VPS13D: variants seen among roughly 807,000 people sequenced by gnomAD.
VPS13D encodes the protein intermembrane lipid transfer protein VPS13D.
VPS13D carries 187 observed loss-of-function variants against 461.9 expected under a neutral mutation model. That is an observed-to-expected ratio of 0.40 (90% CI 0.36 to 0.46). The LOEUF is 0.46. VPS13D is among the 20% of genes least tolerant of loss of function. VPS13D has a pLI of 0.60. For synonymous variants in VPS13D, 1,951 were observed against 1,986.3 expected, an observed-to-expected ratio of 0.98 and a Z score of 0.47; for missense variants, 4,711 against 5,364.9, an observed-to-expected ratio of 0.88 and a Z score of 3.81.
chr1:12,244,693 T>A, intron 5 of VPS13D, 76 bp downstream of exon 5: 1 of 1,382,890 alleles, frequency 7.2e-7, no homozygotes, highest in Non-Finnish European at 1.0e-6. Flanking sequence ...CTCCTCTTAG[T>A]TTCTCATTTC....
At chr1:12,470,831 AG>A (rs1168787986) in intron 67 of VPS13D, among the ~76,000 whole-genome samples, 1 of 152,136 alleles carries the variant, frequency 6.6e-6, no homozygotes, top group African/African-American at 2.4e-5. Flanking sequence ...GTATGTGTTG[AG>A]GGGGGTAATT....
chr1:12,352,590 G>A (rs117981855), intron 46 of VPS13D, among the ~76,000 whole-genome samples: 2,880 of 152,272 alleles, frequency 0.019, 110 homozygotes, highest in Admixed American at 0.099. Flanking sequence ...AAGATGTGGA[G>A]CCACTAAACT....
intron 6 of VPS13D, among the ~76,000 whole-genome samples, chr1:12,250,211 T>A (rs235232): frequency 0.042 from 6,337 of 152,288 alleles, 261 homozygotes; most frequent in African/African-American, 0.11. Flanking sequence ...GTTCAAAGTT[T>A]TTATGCAGCT....
rs4394667 is a variant in VPS13D at position 12,314,005 on chromosome 1, A to G, written c.6936-110A>G. On this transcript the variant is annotated intron_variant, in intron 29 of 69. Coordinates refer to ENST00000620676, the MANE Select transcript of VPS13D (RefSeq NM_015378.4). Reference sequence around the variant, plus strand: ...ACTCAGAATGAAAGTTATTCTCCTTATGGGACTTAGATATATTTTTGATTT... The same window carrying G: ...ACTCAGAATGAAAGTTATTCTCCTTGTGGGACTTAGATATATTTTTGATTT... The G allele has an allele frequency of 3.5e-6, 3 of 863,758 alleles. No individual in the cohort carries two copies. In the South Asian group the frequency reaches 5.0e-5, roughly 14 times the overall value. The allele number at this position is 863,758 out of a possible 1,614,324, so 53.5% of individuals were successfully genotyped here. A position where few individuals can be genotyped will look rare whatever the true frequency, so the allele number is the denominator to read the frequency against.
At chr1:12,371,990 A>G (rs1388245088) in intron 54 of VPS13D, among the ~76,000 whole-genome samples, 1 of 152,186 alleles carries the variant, frequency 6.6e-6, no homozygotes, top group Admixed American at 6.5e-5. Flanking sequence ...CATTCCTACC[A>G]ACAGTGTAGA....
At chr1:12,337,106 G>C (rs912581414) in intron 39 of VPS13D, 3 of 151,634 alleles carry the variant, frequency 2.0e-5, no homozygotes, top group African/African-American at 7.3e-5. Context: ...TAGTTAAAAG[G>C]CTTCCTCATC....
rs145727506 is a variant in VPS13D at position 12,349,296 on chromosome 1, A to C, written c.9353A>C (p.Asn3118Thr). The C allele has an allele frequency of 5.6e-6, 9 of 1,614,214 alleles. No individual in the cohort carries two copies. The highest frequency in any genetic ancestry group is 6.8e-6 in the Non-Finnish European group (8 of 1,180,034). The change falls in exon 46 of 70, where the codon AAT becomes ACT. Residue 3118 changes from asparagine to threonine, a missense_variant. Physicochemically the swap from Asn to Thr is moderately conservative, Grantham distance 65 (BLOSUM62 0). This residue lies in a region of VPS13D where 4,411 missense variants were observed against 4,937.8 expected (regional missense o/e 0.89). Transcript: ENST00000620676. ...TGTAAGGCTCCCATTCATTGGACCA[A>C]TGTAGTGAAGACTGCAGAAATTAGT... ...FFCKAPIHWTNVVKTAEISSS... is the reference protein window; with the variant it reads ...FFCKAPIHWTTVVKTAEISSS...
chr1:12,362,897 GA>G, intron 51 of VPS13D, 47 bp downstream of exon 51: 1 of 1,611,320 alleles, frequency 6.2e-7, no homozygotes, highest in Non-Finnish European at 8.5e-7. Context: ...TTAATAGCAC[GA>G]GTTTTAATGT....
In VPS13D at chr1:12,379,524, G is replaced by A; in HGVS notation, c.11118G>A (p.Arg3706=). 2.5e-6 allele frequency: 4 copies of A among 1,613,478 alleles called. No homozygotes were observed. The highest frequency in any genetic ancestry group is 3.4e-6 in the Non-Finnish European group (4 of 1,179,768). ...EPLMLRKPDR[R]RSTTQTWSFR... ...TGATGCTGAGAAAGCCTGACCGCAG[G>A]CGAAGCACAACTCAGACGTGGAGTT... Residue 3706 remains arginine, a synonymous_variant, in exon 57 of 70, where the codon AGG becomes AGA. Coordinates refer to ENST00000620676, the MANE Select transcript of VPS13D (RefSeq NM_015378.4).
chr1:12,491,574 G>A (rs1645882043), intron 67 of VPS13D, among the ~76,000 whole-genome samples: 1 of 152,142 alleles, frequency 6.6e-6, no homozygotes, highest in African/African-American at 2.4e-5. Flanking sequence ...AAAGACATGA[G>A]TTGTTACTAC....
intron 60 of VPS13D, among the ~76,000 whole-genome samples, chr1:12,387,887 C>G (rs1411119818): frequency 6.6e-6 from 1 of 152,020 alleles, no homozygotes; most frequent in African/African-American, 2.4e-5. Flanking sequence ...TTTTTGGGAA[C>G]AATGAGAGTG....
In VPS13D at chr1:12,299,105, T is replaced by G; in HGVS notation, c.6034-97T>G. The G allele has an allele frequency of 2.5e-6, 3 of 1,205,182 alleles. No homozygotes were observed. The highest frequency in any genetic ancestry group is 3.4e-6 in the Non-Finnish European group (3 of 870,722). 74.7% of individuals were successfully genotyped at this position (1,205,182 alleles called of 1,614,324 possible). ...AATATGCTCTGTATGATTTTAATTG[T>G]TTTATAAACTCACGAAACTTTTGGG... is the stretch of plus-strand genomic sequence containing the variant. On this transcript the variant is annotated intron_variant, in intron 24 of 69. Transcript: ENST00000620676. The surrounding 1 kb of genome is among the most constrained non-coding windows in gnomAD (Gnocchi z 4.2).
chr1:12,250,439 C>G (rs1379469619), intron 6 of VPS13D, among the ~76,000 whole-genome samples: 1 of 152,164 alleles, frequency 6.6e-6, no homozygotes, highest in Non-Finnish European at 1.5e-5. Context: ...GAATTCTGTG[C>G]CAGGAACCAG....
chr1:12,336,570 T>C lies in VPS13D; in HGVS notation c.8551+743T>C, dbSNP rs556632727. 4.6e-5 allele frequency: 7 copies of C among 152,370 alleles called. No homozygotes were observed. The East Asian group carries it at 1.3e-3, about 29-fold the overall frequency. 9.4% of individuals were successfully genotyped at this position (152,370 alleles called of 1,614,324 possible). On this transcript the variant is annotated intron_variant, in intron 39 of 69. Coordinates refer to ENST00000620676, the MANE Select transcript of VPS13D (RefSeq NM_015378.4). ...TGGACTTCACATAGCTCATGAATAC[T>C]TAAATATTCCATCTGGTCTGCAAAC...
intron 60 of VPS13D, among the ~76,000 whole-genome samples, chr1:12,389,881 T>C (rs1213975902): frequency 6.6e-6 from 1 of 152,250 alleles, no homozygotes; most frequent in Non-Finnish European, 1.5e-5. Context: ...AGAGATGCCC[T>C]AATGGATCTC....
chr1:12,312,229 G>A (rs576485738), intron 29 of VPS13D, among the ~76,000 whole-genome samples: 1 of 152,312 alleles, frequency 6.6e-6, no homozygotes, highest in South Asian at 2.1e-4. Flanking sequence ...TCTGCTTGTT[G>A]TAGTCGCTTA....
At position 12,345,475 on chromosome 1, in the gene VPS13D, A is replaced by G. The variant is rs2101582923; in HGVS notation, c.8987A>G (p.Tyr2996Cys). 6.2e-7 allele frequency: 1 copy of G among 1,613,574 alleles called. No homozygotes were observed. The highest frequency in any genetic ancestry group is 2.2e-5 in the East Asian group (1 of 44,876). Residue 2996 changes from tyrosine (Y) to cysteine (C), a missense_variant, in exon 43 of 70, where the codon TAT (tyrosine) becomes TGT (cysteine). By Grantham distance (194) the Tyr-to-Cys change is radical. This residue lies in a region of VPS13D where 4,411 missense variants were observed against 4,937.8 expected (regional missense o/e 0.89). Coordinates refer to ENST00000620676, the MANE Select transcript of VPS13D (RefSeq NM_015378.4). ...GACAAAGTCGGGACCTTTTTTCGAT[A>G]TGCAGCACCAGATAAAAATTCATCT... The part of the protein sequence containing the change: ...SVDKVGTFFR[Y>C]AAPDKNSSSS...
Position 12,256,974 on chromosome 1 carries a change from C to T in VPS13D, c.841-13C>T. 2 of 1,613,728 alleles carry T rather than the reference C, an allele frequency of 1.2e-6. No homozygotes were observed. The highest frequency in any genetic ancestry group is 1.7e-6 in the Non-Finnish European group (2 of 1,179,708). On this transcript the variant is annotated splice_polypyrimidine_tract_variant and intron_variant, in intron 8 of 69. Transcript: ENST00000620676. ...CTATTCTAACCTAGTATCTCTTAAC[C>T]TCTAATACAAAGCTGCAATACCGGC... is the stretch of plus-strand genomic sequence containing the variant.
rs1241473627 is a variant in VPS13D at position 12,505,343 on chromosome 1, C to T, written c.12795-1510C>T. 2.0e-5 allele frequency among the ~76,000 whole-genome samples: 3 copies of T among 152,222 alleles called. No homozygotes were observed. The highest frequency in any genetic ancestry group is 1.3e-4 in the Admixed American group (2 of 15,286). ...GCTGCCGCTCTCAATGCGGTTAGAG[C>T]GCAAGATGTGAGAACGTCTGTGCTG... On this transcript the variant is annotated intron_variant, in intron 68 of 69. Coordinates refer to ENST00000620676, the MANE Select transcript of VPS13D (RefSeq NM_015378.4). This position sits in a 1 kb window ranked among gnomAD's most constrained non-coding sequence, Gnocchi z 4.2.
Sources: allele counts gnomAD v4.1 joint callset (sites outside exome capture counted in the v4.1 genomes callset), GRCh38; gene constraint gnomAD v4.1.1; regional missense constraint gnomAD v4.1.1; non-coding constraint Gnocchi (gnomAD v3.1); transcripts MANE v1.5; gene names NCBI Gene and HGNC (gene_info 2026-07-23, HGNC 2026-07-21).